The following RIMBP2 variants were observed in gnomAD, a reference collection of about 807,000 sequenced individuals.
RIMBP2 encodes RIMS binding protein 2, also known as RIMS-binding protein 2.
Under a neutral mutation model 118.6 loss-of-function variants are expected in RIMBP2, and 48 were observed. That is an observed-to-expected ratio of 0.40 (90% CI 0.32 to 0.51). The LOEUF (loss-of-function observed/expected upper bound fraction) is 0.51. Among genes scored for constraint, RIMBP2 ranks in the 20% least tolerant of loss-of-function variants. RIMBP2 has a pLI of 0.41. For missense variants in RIMBP2, 1,551 were observed against 1,768.3 expected, an observed-to-expected ratio of 0.88 and a Z score of 2.20; for synonymous variants, 762 against 742.9, an observed-to-expected ratio of 1.03 and a Z score of -0.42.
At chr12:130,575,647 G>A (rs146778518) in intron 2 of RIMBP2, among the ~76,000 whole-genome samples, 8 of 152,330 alleles carry the variant, frequency 5.3e-5, no homozygotes, top group Non-Finnish European at 1.2e-4. Context: ...GTCGTGCAGC[G>A]TGCTACCTAG....
At position 130,649,299 on chromosome 12, in the gene RIMBP2, G is replaced by C. The variant is rs531530814; in HGVS notation, c.-351-20843C>G. On this transcript the variant is annotated intron_variant, in intron 1 of 22. Transcript: ENST00000690449. The stretch of plus-strand genomic sequence containing the variant: ...TCTCTCCTCCTCAGCGGAGAGATGA[G>C]TGCTCCCGGCCGGAGGCCGCTCCGC... Among the ~76,000 whole-genome samples the C allele has an allele frequency of 1.8e-5, 2 of 109,496 alleles. 1 individual carries two copies. The highest frequency in any genetic ancestry group is 4.7e-5 in the Non-Finnish European group (2 of 42,402). The allele number at this position is 109,496 out of a possible 152,430, so 71.8% of individuals were successfully genotyped here.
chr12:130,559,309 A>C, intron 2 of RIMBP2, among the ~76,000 whole-genome samples: 1 of 150,998 alleles, frequency 6.6e-6, no homozygotes. Context: ...ACAGCTCCCC[A>C]CCCCCTACCC....
At position 130,520,626 on chromosome 12, in the gene RIMBP2, C is replaced by T. The variant is rs369091643; in HGVS notation, c.-216-2709G>A. 3.6e-5 allele frequency among the ~76,000 whole-genome samples: 5 copies of T among 138,550 alleles called. No homozygotes were observed. The South Asian group carries it at 1.2e-3, about 33-fold the overall frequency. 90.9% of individuals were successfully genotyped at this position (138,550 alleles called of 152,430 possible). ...GGCAGAGGTTGCAGTGAGCTGAGAT[C>T]ACGCCATTGTACTCCAGCCTGGGCA... On this transcript the variant is annotated intron_variant, in intron 2 of 22. Coordinates refer to ENST00000690449, the MANE Select transcript of RIMBP2 (RefSeq NM_001393629.1).
At chr12:130,415,959 C>CCACA (rs34091063) in intron 17 of RIMBP2, among the ~76,000 whole-genome samples, 1,965 of 81,560 alleles carry the variant, frequency 0.024, 47 homozygotes, top group African/African-American at 0.11. Flanking sequence ...TTGACAATAG[C>CCACA]CACACACACA....
At chr12:130,553,152 C>CA (rs56149968) in intron 2 of RIMBP2, among the ~76,000 whole-genome samples, 5,250 of 113,884 alleles carry the variant, frequency 0.046, 118 homozygotes, top group African/African-American at 0.066. Flanking sequence ...GACTCCATCT[C>CA]AAAAAAAAAA....
At chr12:130,659,700 C>T (rs555203024) in intron 1 of RIMBP2, among the ~76,000 whole-genome samples, 3 of 152,126 alleles carry the variant, frequency 2.0e-5, no homozygotes, top group South Asian at 4.2e-4. Flanking sequence ...CGGCCGGGCA[C>T]GGTGGCTCAT....
intron 2 of RIMBP2, among the ~76,000 whole-genome samples, chr12:130,533,706 C>T (rs1259646239): frequency 2.0e-5 from 3 of 152,184 alleles, no homozygotes; most frequent in South Asian, 2.1e-4. Context: ...GGTATACATA[C>T]ACCATGAAAT....
In RIMBP2 at chr12:130,511,114, G is replaced by A. The variant is rs765079718; in HGVS notation, c.-126-4344C>T. Among the ~76,000 whole-genome samples, 1 of 152,136 alleles carries A rather than the reference G, an allele frequency of 6.6e-6. No homozygotes were observed. The highest frequency in any genetic ancestry group is 1.5e-5 in the Non-Finnish European group (1 of 68,036). On this transcript the variant is annotated intron_variant, in intron 3 of 22. Transcript: ENST00000690449. This position sits in a 1 kb window ranked among gnomAD's most constrained non-coding sequence, Gnocchi z 4.3. ...GAGAGCACCGGGGTTATCCAGATGGGCTCTACGTAGTCACAGAGCCCTTAT... is the reference window on the plus strand; with the variant it reads ...GAGAGCACCGGGGTTATCCAGATGGACTCTACGTAGTCACAGAGCCCTTAT...
intron 1 of RIMBP2, among the ~76,000 whole-genome samples, chr12:130,637,713 G>A (rs1382712706): frequency 6.6e-6 from 1 of 151,698 alleles, no homozygotes; most frequent in Non-Finnish European, 1.5e-5. Flanking sequence ...GAGCTGCGAT[G>A]TCCTGGTGTA....
chr12:130,567,634 T>C (rs953969209), intron 2 of RIMBP2, among the ~76,000 whole-genome samples: 2 of 152,146 alleles, frequency 1.3e-5, no homozygotes, highest in African/African-American at 2.4e-5. Flanking sequence ...AGGTTCCTAC[T>C]TGCCATTTTC....
intron 1 of RIMBP2, among the ~76,000 whole-genome samples, chr12:130,653,273 A>G (rs1017204137): frequency 6.6e-6 from 1 of 152,206 alleles, no homozygotes; most frequent in African/African-American, 2.4e-5. Context: ...CGTTGGGTAA[A>G]GATTCCCATT....
At chr12:130,686,885 C>A (rs550309621) in intron 1 of RIMBP2, among the ~76,000 whole-genome samples, 3 of 152,178 alleles carry the variant, frequency 2.0e-5, no homozygotes, top group Non-Finnish European at 4.4e-5. Context: ...CAGAAGGCAG[C>A]GGGGAGAGAA....
intron 19 of RIMBP2, among the ~76,000 whole-genome samples, chr12:130,411,606 C>A (rs1336151377): frequency 2.0e-5 from 3 of 152,112 alleles, no homozygotes; most frequent in Non-Finnish European, 4.4e-5. Flanking sequence ...AACAGAAATT[C>A]TTGTATACTT....
intron 4 of RIMBP2, among the ~76,000 whole-genome samples, chr12:130,481,812 C>G (rs1008385630): frequency 6.6e-6 from 1 of 152,190 alleles, no homozygotes; most frequent in African/African-American, 2.4e-5. Context: ...CTGCACAGCC[C>G]TCCCGAGATC....
chr12:130,476,879 C>T (rs917349151), intron 5 of RIMBP2, among the ~76,000 whole-genome samples: 6 of 152,286 alleles, frequency 3.9e-5, no homozygotes, highest in South Asian at 2.1e-4. Flanking sequence ...GAGGGGCAGA[C>T]GGCCGACCCC....
chr12:130,622,330 C>T lies in RIMBP2; in HGVS notation c.-217+5992G>A, dbSNP rs969107841. On this transcript the variant is annotated intron_variant, in intron 2 of 22. Transcript: ENST00000690449. The surrounding 1 kb of genome is among the most constrained non-coding windows in gnomAD (Gnocchi z 8.5). Reference sequence around the variant, plus strand: ...TCTCTGTGCCCACTGTTAACTGACCCTCTTTCTTTAAATGGGCTTGTGTTT... The same window carrying T: ...TCTCTGTGCCCACTGTTAACTGACCTTCTTTCTTTAAATGGGCTTGTGTTT... Among the ~76,000 whole-genome samples, 1 of 152,152 alleles carries T rather than the reference C, an allele frequency of 6.6e-6. No individual in the cohort carries two copies. The highest frequency in any genetic ancestry group is 2.4e-5 in the African/African-American group (1 of 41,442).
chr12:130,512,304 T>G (rs2050992643), intron 3 of RIMBP2, among the ~76,000 whole-genome samples: 1 of 151,336 alleles, frequency 6.6e-6, no homozygotes, highest in African/African-American at 2.4e-5. Context: ...TGCATCAAGG[T>G]CTCTGCCTCA....
At chr12:130,597,672 T>C (rs1192408079) in intron 2 of RIMBP2, among the ~76,000 whole-genome samples, 4 of 152,206 alleles carry the variant, frequency 2.6e-5, no homozygotes, top group Admixed American at 2.0e-4. Flanking sequence ...CACACGAAAG[T>C]ATCTGAGAAA....
chr12:130,644,902 C>G (rs987982517), intron 1 of RIMBP2, among the ~76,000 whole-genome samples: 1 of 152,232 alleles, frequency 6.6e-6, no homozygotes, highest in Non-Finnish European at 1.5e-5. Flanking sequence ...ACACAGGCCC[C>G]TTAAGCAGCA....
Sources: allele counts gnomAD v4.1 joint callset (sites outside exome capture counted in the v4.1 genomes callset), GRCh38; gene constraint gnomAD v4.1.1; non-coding constraint Gnocchi (gnomAD v3.1); transcripts MANE v1.5; gene names NCBI Gene and HGNC (gene_info 2026-07-23, HGNC 2026-07-21).